The following KLHL32 variants were observed in gnomAD, a reference collection of about 807,000 sequenced individuals.
The protein encoded by KLHL32 is kelch like family member 32, also known as kelch-like protein 32.
Under a neutral mutation model 64.8 loss-of-function variants are expected in KLHL32, and 35 were observed. The observed-to-expected ratio is 0.54, with a 90% CI of 0.41 to 0.72. The LOEUF (loss-of-function observed/expected upper bound fraction) is 0.72. Among genes scored for constraint, KLHL32 ranks in the 30% least tolerant of loss-of-function variants. The pLI is 0.00. For synonymous variants in KLHL32, 259 were observed against 281.0 expected, an observed-to-expected ratio of 0.92 and a Z score of 0.78; for missense variants, 589 against 768.5, an observed-to-expected ratio of 0.77 and a Z score of 2.76.
rs1800519302 is a variant in KLHL32 at position 97,140,103 on chromosome 6, C to T, written c.*821C>T. On this transcript the variant is annotated 3_prime_UTR_variant, in exon 11 of 11. Transcript: ENST00000369261. Reference sequence around the variant, plus strand: ...GATTATTTTTGAAGTTTAAAAATTACTAGATAGAATTTGGAAACATGTTGT... The same window carrying T: ...GATTATTTTTGAAGTTTAAAAATTATTAGATAGAATTTGGAAACATGTTGT... The T allele has an allele frequency of 6.6e-6, 1 of 151,880 alleles. No homozygotes were observed. Among genetic ancestry groups the T allele is most frequent in the African/African-American group, 2.4e-5 (1 of 41,350 alleles). 9.4% of individuals were successfully genotyped at this position (151,880 alleles called of 1,614,324 possible). A position where few individuals can be genotyped will look rare whatever the true frequency, so the allele number is the denominator to read the frequency against.
At chr6:97,119,704 T>G (rs1421372911) in intron 7 of KLHL32, among the ~76,000 whole-genome samples, 1 of 152,228 alleles carries the variant, frequency 6.6e-6, no homozygotes, top group Non-Finnish European at 1.5e-5. Context: ...ATTCCCCGAA[T>G]CTGAGCTTAT....
intron 3 of KLHL32, among the ~76,000 whole-genome samples, chr6:97,015,511 G>A (rs991412305): frequency 2.0e-5 from 3 of 152,338 alleles, no homozygotes; most frequent in Non-Finnish European, 2.9e-5. Flanking sequence ...CTTTAGCAAA[G>A]AGACTGTCGG....
upstream of KLHL32, among the ~76,000 whole-genome samples, chr6:96,923,498 G>A (rs1346595371): frequency 1.3e-5 from 2 of 152,134 alleles, no homozygotes; most frequent in Non-Finnish European, 2.9e-5. Flanking sequence ...GCATCCTAGC[G>A]TCCAGATATC....
chr6:97,111,033 G>GGGC (rs1554243689), intron 6 of KLHL32, among the ~76,000 whole-genome samples: 2 of 151,066 alleles, frequency 1.3e-5, no homozygotes, highest in Admixed American at 6.6e-5. Context: ...AAAGTCTTGG[G>GGGC]GGGGGGGGGT....
intron 7 of KLHL32, among the ~76,000 whole-genome samples, chr6:97,123,448 T>G (rs1798567877): frequency 6.6e-6 from 1 of 152,180 alleles, no homozygotes; most frequent in South Asian, 2.1e-4. Context: ...GTGGTAACTT[T>G]TCATTCCTTC....
chr6:97,049,259 G>A (rs1786437444), intron 4 of KLHL32, among the ~76,000 whole-genome samples: 2 of 152,112 alleles, frequency 1.3e-5, no homozygotes, highest in South Asian at 2.1e-4. Flanking sequence ...CAATACACCA[G>A]CATCACTTCT....
At chr6:96,948,698 A>G (rs1233161831) in intron 1 of KLHL32, among the ~76,000 whole-genome samples, 1 of 152,140 alleles carries the variant, frequency 6.6e-6, no homozygotes, top group Non-Finnish European at 1.5e-5. Flanking sequence ...TTTGTGCATT[A>G]GGAAAATTAG....
chr6:97,074,616 C>A (rs200381825), intron 5 of KLHL32, among the ~76,000 whole-genome samples: 105 of 140,478 alleles, frequency 7.5e-4, no homozygotes, highest in Non-Finnish European at 1.0e-3. Context: ...AAAAAAAAAA[C>A]AAAAAAACTA....
chr6:96,958,343 G>A (rs896746554), intron 1 of KLHL32, among the ~76,000 whole-genome samples: 7 of 152,260 alleles, frequency 4.6e-5, no homozygotes, highest in African/African-American at 1.4e-4. Context: ...ACTGTGACCT[G>A]GGAGGATCAG....
the KLHL32 span, among the ~76,000 whole-genome samples, chr6:96,918,180 G>A: frequency 1.3e-5 from 2 of 152,142 alleles, no homozygotes; most frequent in African/African-American, 2.4e-5. Context: ...AGTCTCACTC[G>A]CAATATCTAC....
At position 96,924,801 on chromosome 6, in the gene KLHL32, G is replaced by GCGCACACACA. The variant is rs879144649; in HGVS notation, c.-290_-289insGCACACACAC. 20 of 148,908 alleles carry GCGCACACACA rather than the reference G, an allele frequency of 1.3e-4. No homozygotes were observed. Among genetic ancestry groups the GCGCACACACA allele is most frequent in the Non-Finnish European group, 2.2e-4 (15 of 67,172 alleles). The allele number at this position is 148,908 out of a possible 1,614,324, so 9.2% of individuals were successfully genotyped here. On this transcript the variant is annotated 5_prime_UTR_variant, in exon 1 of 11. Transcript: ENST00000369261. ...CAGTCGCGCGCACACACGCACGCAGGCACACACACACACACACACACACAC... is the reference window on the plus strand; with the variant it reads ...CAGTCGCGCGCACACACGCACGCAGGCGCACACACACACACACACACACACACACACACAC...
At chr6:97,021,021 G>A (rs1415233984) in intron 3 of KLHL32, among the ~76,000 whole-genome samples, 1 of 150,776 alleles carries the variant, frequency 6.6e-6, no homozygotes, top group Non-Finnish European at 1.5e-5. Flanking sequence ...ATGTATTAGA[G>A]TCCTCCAGAG....
rs1216908433 is a variant in KLHL32, at chr6:97,081,380, A to G, written c.412-3746A>G. Among the ~76,000 whole-genome samples the G allele has an allele frequency of 3.3e-5, 5 of 152,202 alleles. No individual in the cohort carries two copies. The East Asian group carries it at 9.7e-4, about 29-fold the overall frequency. Reference sequence around the variant, plus strand: ...GTGTAGAAGCCACATAGAGGAGGTGATTTAGAGTATGGGCTCTGGATTGGT... The same window carrying G: ...GTGTAGAAGCCACATAGAGGAGGTGGTTTAGAGTATGGGCTCTGGATTGGT... On this transcript the variant is annotated intron_variant, in intron 5 of 10. Transcript: ENST00000369261.
chr6:96,963,042 G>GA (rs1774046877), intron 1 of KLHL32, among the ~76,000 whole-genome samples: 1 of 152,108 alleles, frequency 6.6e-6, no homozygotes, highest in Non-Finnish European at 1.5e-5. Flanking sequence ...AGGGGAGGGG[G>GA]AAAAATCTTT....
chr6:97,118,258 T>A (rs955348216), intron 7 of KLHL32, among the ~76,000 whole-genome samples: 3 of 152,190 alleles, frequency 2.0e-5, no homozygotes, highest in Admixed American at 6.5e-5. Flanking sequence ...AATGTAAAAT[T>A]TTATTAACAT....
chr6:96,901,329 T>A, the KLHL32 span, among the ~76,000 whole-genome samples: 1 of 6,140 alleles, frequency 1.6e-4, no homozygotes, highest in East Asian at 0.12. Context: ...CCTGGATGCC[T>A]TTTTTTTTTT....
intron 3 of KLHL32, chr6:97,025,049 A>G (rs1782527564): frequency 1.0e-6 from 1 of 985,054 alleles, no homozygotes; most frequent in Non-Finnish European, 1.2e-6. Flanking sequence ...AAAGGATAAT[A>G]AAGCTGATGG....
At chr6:97,069,393 T>A (rs944209484) in intron 5 of KLHL32, among the ~76,000 whole-genome samples, 1 of 147,036 alleles carries the variant, frequency 6.8e-6, no homozygotes, top group African/African-American at 2.6e-5. Context: ...TCTGGGTGAT[T>A]TTGTTCCTTT....
the KLHL32 span, among the ~76,000 whole-genome samples, chr6:96,905,839 A>G: frequency 1.1e-4 from 17 of 152,338 alleles, no homozygotes. Context: ...ACTCTGTAGT[A>G]TTATACCCAA....
Sources: gnomAD v4.1 joint callset for allele counts (sites outside exome capture counted in the v4.1 genomes callset) on GRCh38, gnomAD v4.1.1 for gene constraint, MANE v1.5 for transcripts, NCBI Gene and HGNC (gene_info 2026-07-23, HGNC 2026-07-21) for gene names.